Variants in PNPLA3 observed in about 807,000 individuals in gnomAD.
PNPLA3 encodes the protein patatin like domain 3, 1-acylglycerol-3-phosphate O-acyltransferase.
PNPLA3 carries 42 observed loss-of-function variants against 43.1 expected under a neutral mutation model. That is an observed-to-expected ratio of 0.97 (90% CI 0.76 to 1.26). PNPLA3 has a LOEUF of 1.26. Among genes scored for constraint, PNPLA3 ranks in the 50% most tolerant of loss-of-function variants. PNPLA3 has a pLI of 0.00. For missense variants in PNPLA3, 647 were observed against 621.4 expected, an observed-to-expected ratio of 1.04 and a Z score of -0.44; for synonymous variants, 272 against 253.6, an observed-to-expected ratio of 1.07 and a Z score of -0.69.
Position 43,946,344 on chromosome 22 carries a change from T to G in PNPLA3, c.1408T>G (p.Ser470Ala), listed in dbSNP as rs774075869. The G allele has an allele frequency of 1.9e-5, 30 of 1,614,194 alleles. No homozygotes were observed. Among genetic ancestry groups the G allele is most frequent in the Non-Finnish European group, 2.5e-5 (30 of 1,180,026 alleles). The change falls in exon 9 of 9, where the codon TCC becomes GCC. Residue 470 changes from serine (S) to alanine (A), a missense_variant. Physicochemically the swap from Ser to Ala is moderately conservative, Grantham distance 99 (BLOSUM62 1). Coordinates refer to ENST00000216180, the MANE Select transcript of PNPLA3 (RefSeq NM_025225.3). ...NKVPAGAEGL[S>A]TFPSFSLEKS... ...AGTACCTGCTGGTGCTGAGGGGCTC[T>G]CCACCTTTCCCAGTTTTTCACTAGA...
intron 1 of PNPLA3, among the ~76,000 whole-genome samples, chr22:43,925,233 G>A (rs546193349): frequency 1.2e-4 from 19 of 152,094 alleles, no homozygotes; most frequent in Non-Finnish European, 2.2e-4. Context: ...ATGAGATTCC[G>A]TACATTTGAA....
At chr22:43,925,080 TTCCTCC>T (rs138736648) in intron 1 of PNPLA3, among the ~76,000 whole-genome samples, 14 of 151,250 alleles carry the variant, frequency 9.3e-5, no homozygotes, top group African/African-American at 2.7e-4. Context: ...GGAAAGTTGT[TTCCTCC>T]TCCTCCTCCT....
chr22:43,940,616 T>G (rs8142145), intron 7 of PNPLA3, among the ~76,000 whole-genome samples: 1 of 151,662 alleles, frequency 6.6e-6, no homozygotes, highest in East Asian at 2.0e-4. Context: ...TGAGACCAGC[T>G]TGGCCAACAT....
intron 8 of PNPLA3, 43 bp from the exon 9 acceptor site, chr22:43,946,111 C>A (rs1399127172): frequency 1.3e-6 from 2 of 1,577,532 alleles, no homozygotes; most frequent in African/African-American, 1.3e-5. Flanking sequence ...CACACTGCAG[C>A]AGCGGGAACG....
rs774664568 is a variant in PNPLA3, at chr22:43,944,746, A to G, written c.1168A>G (p.Thr390Ala). The G allele has an allele frequency of 1.2e-6, 2 of 1,613,986 alleles. No individual in the cohort carries two copies. Among genetic ancestry groups the G allele is most frequent in the Non-Finnish European group, 1.7e-6 (2 of 1,179,978 alleles). Residue 390 changes from threonine to alanine, a missense_variant, in exon 8 of 9, where the codon ACC (threonine) becomes GCC (alanine). Coordinates refer to ENST00000216180, the MANE Select transcript of PNPLA3 (RefSeq NM_025225.3). ...PDDVLWLQWV[T>A]SQVFTRVLMC... ...CGATGTCCTGTGGTTGCAGTGGGTG[A>G]CCTCACAGGTGTTCACTCGAGTGCT...
At chr22:43,941,859 G>A (rs2050033261) in intron 7 of PNPLA3, among the ~76,000 whole-genome samples, 1 of 152,032 alleles carries the variant, frequency 6.6e-6, no homozygotes, top group Non-Finnish European at 1.5e-5. Context: ...GCTAATACAG[G>A]CATCAGGAAT....
At chr22:43,942,701 C>CTTTTTTTTTTT (rs398037291) in intron 7 of PNPLA3, among the ~76,000 whole-genome samples, 27 of 113,680 alleles carry the variant, frequency 2.4e-4, no homozygotes, top group Admixed American at 7.6e-4. Context: ...TTTCTTTTTT[C>CTTTTTTTTTTT]TTTTTTTTTT....
At chr22:43,930,738 C>T (rs992307031) in intron 3 of PNPLA3, among the ~76,000 whole-genome samples, 26 of 152,246 alleles carry the variant, frequency 1.7e-4, no homozygotes, top group Admixed American at 9.2e-4. Flanking sequence ...ATGGAGAAGC[C>T]GAAGCAGGAG....
In PNPLA3 at chr22:43,927,179, G is replaced by A. The variant is rs762773992; in HGVS notation, c.420+12G>A. Reference sequence around the variant, plus strand: ...ACGAAGTCGTGGATGTAAGCAGTTTGCTTATCTGGACGTTGTCAAGTTAGA... The same window carrying A: ...ACGAAGTCGTGGATGTAAGCAGTTTACTTATCTGGACGTTGTCAAGTTAGA... On this transcript the variant is annotated intron_variant, in intron 2 of 8. Coordinates refer to ENST00000216180, the MANE Select transcript of PNPLA3 (RefSeq NM_025225.3). 1 of 1,611,788 alleles carries A rather than the reference G, an allele frequency of 6.2e-7. No homozygotes were observed. Among genetic ancestry groups the A allele is most frequent in the South Asian group, 1.1e-5 (1 of 90,922 alleles).
In PNPLA3 at chr22:43,946,909, G is replaced by T. The variant is rs1362060453; in HGVS notation, c.*527G>T. ...CTACTAAAAACGTCTCCATGGCGGG[G>T]GTAACAAGATGATAATCTACTTAAT... On this transcript the variant is annotated 3_prime_UTR_variant, in exon 9 of 9. Coordinates refer to ENST00000216180, the MANE Select transcript of PNPLA3 (RefSeq NM_025225.3). The T allele has an allele frequency of 3.1e-6, 1 of 318,616 alleles. No individual in the cohort carries two copies. Among genetic ancestry groups the T allele is most frequent in the Middle Eastern group, 7.5e-4 (1 of 1,328 alleles). 19.7% of individuals were successfully genotyped at this position (318,616 alleles called of 1,614,324 possible). A position where few individuals can be genotyped will look rare whatever the true frequency, so the allele number is the denominator to read the frequency against.
chr22:43,932,861 T>C lies in PNPLA3; in HGVS notation c.487-17T>C, dbSNP rs2049970146. The C allele has an allele frequency of 1.2e-6, 2 of 1,612,466 alleles. No individual in the cohort carries two copies. The highest frequency in any genetic ancestry group is 1.1e-5 in the South Asian group (1 of 91,042). Reference sequence around the variant, plus strand: ...GAGCTTCAGACAGTGCCAGTCCTTTTTCCCCTTCTTTAAAAGCGATATGTG... The same window carrying C: ...GAGCTTCAGACAGTGCCAGTCCTTTCTCCCCTTCTTTAAAAGCGATATGTG... On this transcript the variant is annotated splice_polypyrimidine_tract_variant and intron_variant, in intron 3 of 8. Transcript: ENST00000216180.
In PNPLA3 at chr22:43,946,276, G is replaced by C. The variant is rs147289545; in HGVS notation, c.1340G>C (p.Arg447Pro). ...PAETKAEATP[R>P]SILRSSLNFF... ...GAGACCAAAGCAGAGGCCACCCCGC[G>C]GTCCATCCTCAGGTCCAGCCTGAAC... Residue 447 changes from arginine to proline, a missense_variant, in exon 9 of 9, where the codon CGG (arginine) becomes CCG (proline). Physicochemically the swap from Arg to Pro is moderately radical, Grantham distance 103 (BLOSUM62 -2). Transcript: ENST00000216180. The C allele has an allele frequency of 1.2e-6, 2 of 1,614,168 alleles. No homozygotes were observed. Among genetic ancestry groups the C allele is most frequent in the South Asian group, 1.1e-5 (1 of 91,074 alleles).
Position 43,946,307 on chromosome 22 carries a change from C to T in PNPLA3, c.1371C>T (p.Phe457=). ...RSILRSSLNF[F]LGNKVPAGAE... ...TCCTCAGGTCCAGCCTGAACTTCTT[C>T]TTGGGCAATAAAGTACCTGCTGGTG... Residue 457 remains phenylalanine (F), a synonymous_variant, in exon 9 of 9, where the codon TTC becomes TTT. Coordinates refer to ENST00000216180, the MANE Select transcript of PNPLA3 (RefSeq NM_025225.3). 1 of 1,614,122 alleles carries T rather than the reference C, an allele frequency of 6.2e-7. No homozygotes were observed. Among genetic ancestry groups the T allele is most frequent in the Non-Finnish European group, 8.5e-7 (1 of 1,180,038 alleles).
intron 1 of PNPLA3, 104 bp from the exon 2 acceptor site, chr22:43,926,831 A>G: frequency 1.1e-6 from 1 of 915,540 alleles, no homozygotes; most frequent in Non-Finnish European, 1.7e-6. Flanking sequence ...GTACTGGTCT[A>G]GAGAAATGTT....
intron 6 of PNPLA3, 23 bp downstream of exon 6, chr22:43,937,295 A>C: frequency 2.5e-6 from 4 of 1,601,598 alleles, no homozygotes; most frequent in Non-Finnish European, 3.4e-6. Flanking sequence ...CGGGGTGAGC[A>C]CGGGCAGCAC....
At position 43,942,293 on chromosome 22, in the gene PNPLA3, T is replaced by C. The variant is rs563527416; in HGVS notation, c.1112+2168T>C. 4.6e-5 allele frequency among the ~76,000 whole-genome samples: 7 copies of C among 152,320 alleles called. No homozygotes were observed. The South Asian group carries it at 1.4e-3, about 32-fold the overall frequency. ...ATCTGTAGCTTCATTTTTCTTGGCT[T>C]TTCCCTGGTTTTTCTGGAGCAGAGT... is the stretch of plus-strand genomic sequence containing the variant. On this transcript the variant is annotated intron_variant, in intron 7 of 8. Transcript: ENST00000216180.
intron 3 of PNPLA3, among the ~76,000 whole-genome samples, chr22:43,930,293 A>G (rs2049953727): frequency 6.6e-6 from 1 of 152,204 alleles, no homozygotes; most frequent in African/African-American, 2.4e-5. Flanking sequence ...CTCCTCTGTC[A>G]GAACAGGGCA....
At chr22:43,944,192 C>A (rs551363835) in intron 7 of PNPLA3, among the ~76,000 whole-genome samples, 2 of 152,192 alleles carry the variant, frequency 1.3e-5, no homozygotes, top group Non-Finnish European at 2.9e-5. Flanking sequence ...TCCTCCTCCC[C>A]ACCCCACCAC....
chr22:43,928,178 C>A (rs547174968), intron 2 of PNPLA3, among the ~76,000 whole-genome samples: 1 of 152,340 alleles, frequency 6.6e-6, no homozygotes, highest in East Asian at 1.9e-4. Context: ...AGCAGCCTGG[C>A]GCGTCTAACC....
Sources: gnomAD v4.1 joint callset for allele counts (sites outside exome capture counted in the v4.1 genomes callset) on GRCh38, gnomAD v4.1.1 for gene constraint, MANE v1.5 for transcripts, NCBI Gene and HGNC (gene_info 2026-07-23, HGNC 2026-07-21) for gene names.